Variants in MS4A2 observed in about 807,000 individuals in gnomAD.
MS4A2 encodes the protein high affinity immunoglobulin epsilon receptor subunit beta.
MS4A2 carries 26 observed loss-of-function variants against 27.9 expected under a neutral mutation model. The observed-to-expected ratio is 0.93, with a 90% CI of 0.68 to 1.29. The LOEUF (loss-of-function observed/expected upper bound fraction) is 1.29. Among genes scored for constraint, MS4A2 ranks in the 50% most tolerant of loss-of-function variants. MS4A2 has a pLI of 0.00. For synonymous variants in MS4A2, 110 were observed against 98.8 expected (o/e 1.11, Z -0.67); for missense variants, 284 against 284.6 (o/e 1.00, Z 0.01).
rs1035557284 is a variant in MS4A2 at position 60,096,053 on chromosome 11, G to C, written c.*397G>C. On this transcript the variant is annotated 3_prime_UTR_variant, in exon 7 of 7. Transcript: ENST00000278888. ...TTTTTTTTTTTTAGCATTCTTAATA[G>C]TTACAGTTGGGCATGATTTGTACCA... The C allele has an allele frequency of 1.2e-5, 3 of 253,288 alleles. No individual in the cohort carries two copies. The highest frequency in any genetic ancestry group is 7.1e-5 in the African/African-American group (3 of 42,464). The allele number at this position is 253,288 out of a possible 1,614,324, so 15.7% of individuals were successfully genotyped here.
At chr11:60,090,681 C>T (rs916994657) in intron 3 of MS4A2, among the ~76,000 whole-genome samples, 1 of 152,140 alleles carries the variant, frequency 6.6e-6, no homozygotes, top group African/African-American at 2.4e-5. Flanking sequence ...ATTTAGCCCA[C>T]AGTTTTATCC....
chr11:60,090,717 G>C (rs1337454463), intron 3 of MS4A2, among the ~76,000 whole-genome samples: 1 of 152,168 alleles, frequency 6.6e-6, no homozygotes. Context: ...TCTAATACAA[G>C]TTAAATGACT....
chr11:60,090,357 A>G lies in MS4A2; in HGVS notation c.208A>G (p.Met70Val). The change falls in exon 3 of 7, where the codon ATG becomes GTG. Residue 70 changes from methionine to valine, a missense_variant. By Grantham distance (21) the Met-to-Val change is conservative. Coordinates refer to ENST00000278888, the MANE Select transcript of MS4A2 (RefSeq NM_000139.5). ...ATAGGTAACACAAATTCTGACTGCTATGATATGCCTTTGTTTTGGAACAGT... is the reference window on the plus strand; with the variant it reads ...ATAGGTAACACAAATTCTGACTGCTGTGATATGCCTTTGTTTTGGAACAGT... Reference protein sequence around the residue: ...FLGVTQILTAMICLCFGTVVC... With the variant: ...FLGVTQILTAVICLCFGTVVC... 6.2e-7 allele frequency: 1 copy of G among 1,613,234 alleles called. No individual in the cohort carries two copies. Among genetic ancestry groups the G allele is most frequent in the Non-Finnish European group, 8.5e-7 (1 of 1,179,890 alleles).
Position 60,097,846 on chromosome 11 carries a change from T to A in MS4A2, c.*2190T>A, listed in dbSNP as rs1855896646. ...GGGCCTGAGGTTTTCCATTCTCATTTTTCTAAAATACAATTTTGTTTCTCC... is the reference window on the plus strand; with the variant it reads ...GGGCCTGAGGTTTTCCATTCTCATTATTCTAAAATACAATTTTGTTTCTCC... On this transcript the variant is annotated 3_prime_UTR_variant, in exon 7 of 7. Transcript: ENST00000278888. 1 of 152,210 alleles carries A rather than the reference T, an allele frequency of 6.6e-6. No individual in the cohort carries two copies. The highest frequency in any genetic ancestry group is 1.5e-5 in the Non-Finnish European group (1 of 68,032). The allele number at this position is 152,210 out of a possible 1,614,324, so 9.4% of individuals were successfully genotyped here. A position where few individuals can be genotyped will look rare whatever the true frequency, so the allele number is the denominator to read the frequency against.
rs1855723703 is a variant in MS4A2 at position 60,089,781 on chromosome 11, C to T, written c.146C>T (p.Thr49Ile). 6.2e-7 allele frequency: 1 copy of T among 1,614,054 alleles called. No homozygotes were observed. The highest frequency in any genetic ancestry group is 1.7e-5 in the Admixed American group (1 of 60,006). ...LKSASSPPLHTWLTVLKKEQE... is the reference protein window; with the variant it reads ...LKSASSPPLHIWLTVLKKEQE... Reference sequence around the variant, plus strand: ...TCGGCCTCATCCCCACCACTGCATACATGGCTGACAGTTTTGAAAAAAGAG... The same window carrying T: ...TCGGCCTCATCCCCACCACTGCATATATGGCTGACAGTTTTGAAAAAAGAG... Residue 49 changes from threonine to isoleucine, a missense_variant, in exon 2 of 7, where the codon ACA (threonine) becomes ATA (isoleucine). Coordinates refer to ENST00000278888, the MANE Select transcript of MS4A2 (RefSeq NM_000139.5).
intron 3 of MS4A2, 105 bp from the exon 4 acceptor site, chr11:60,092,681 GTAACTT>G: frequency 1.1e-6 from 1 of 893,194 alleles, no homozygotes. Flanking sequence ...ACATTAATAA[GTAACTT>G]TATCGAGTAC....
In MS4A2 at chr11:60,089,798, A is replaced by G; in HGVS notation, c.163A>G (p.Lys55Glu). The part of the protein sequence containing the change: ...PPLHTWLTVL[K>E]KEQEFLGVTQ... ...ACTGCATACATGGCTGACAGTTTTGAAAAAAGAGCAGGAGTTCCTGGGGGT... is the reference window on the plus strand; with the variant it reads ...ACTGCATACATGGCTGACAGTTTTGGAAAAAGAGCAGGAGTTCCTGGGGGT... Residue 55 changes from lysine (K) to glutamate (E), a missense_variant, in exon 2 of 7, where the codon AAA (lysine) becomes GAA (glutamate). Transcript: ENST00000278888. 6.2e-7 allele frequency: 1 copy of G among 1,614,130 alleles called. No homozygotes were observed. Among genetic ancestry groups the G allele is most frequent in the South Asian group, 1.1e-5 (1 of 91,084 alleles).
chr11:60,093,530 C>A lies in MS4A2; in HGVS notation c.509C>A (p.Thr170Asn). The stretch of plus-strand genomic sequence containing the variant: ...CACAGTTGCCAGAAATTTTTTGAGA[C>A]CAAGTGCTTTATGGCTTCCTTTTCC... ...HIHSCQKFFE[T>N]KCFMASFSTE... Residue 170 changes from threonine (T) to asparagine (N), a missense_variant, in exon 5 of 7, where the codon ACC (threonine) becomes AAC (asparagine). By Grantham distance (65) the Thr-to-Asn change is moderately conservative. Coordinates refer to ENST00000278888, the MANE Select transcript of MS4A2 (RefSeq NM_000139.5). The A allele has an allele frequency of 6.2e-7, 1 of 1,614,140 alleles. No homozygotes were observed. Among genetic ancestry groups the A allele is most frequent in the Non-Finnish European group, 8.5e-7 (1 of 1,180,032 alleles).
chr11:60,089,584 C>T lies in MS4A2; in HGVS notation c.57-108C>T, dbSNP rs1247930493. 4 of 1,428,176 alleles carry T rather than the reference C, an allele frequency of 2.8e-6. No individual in the cohort carries two copies. In the East Asian group the frequency reaches 6.9e-5, roughly 25 times the overall value. 88.5% of individuals were successfully genotyped at this position (1,428,176 alleles called of 1,614,324 possible). On this transcript the variant is annotated intron_variant, in intron 1 of 6. Coordinates refer to ENST00000278888, the MANE Select transcript of MS4A2 (RefSeq NM_000139.5). ...GTGATTACAATGAAGATTTGAATTA[C>T]AGGATGGCTTTGAAAAAATAAACAA... is the stretch of plus-strand genomic sequence containing the variant.
At chr11:60,094,146 T>A in intron 6 of MS4A2, 84 bp downstream of exon 6, 1 of 898,432 alleles carries the variant, frequency 1.1e-6, no homozygotes, top group South Asian at 1.4e-5. Context: ...CTGGGTTTTC[T>A]GAAACATTTC....
Position 60,090,341 on chromosome 11 carries a change from A to G in MS4A2, c.192A>G (p.Thr64=). Residue 64 remains threonine (T), a synonymous_variant, in exon 3 of 7, where the codon ACA becomes ACG. Transcript: ENST00000278888. ...ATTCATGTGTTTTTCTATAGGTAAC[A>G]CAAATTCTGACTGCTATGATATGCC... ...LKKEQEFLGV[T]QILTAMICLC... 1 of 1,612,882 alleles carries G rather than the reference A, an allele frequency of 6.2e-7. No individual in the cohort carries two copies. The highest frequency in any genetic ancestry group is 1.7e-4 in the Middle Eastern group (1 of 6,054).
intron 3 of MS4A2, among the ~76,000 whole-genome samples, chr11:60,092,547 C>T (rs500886): frequency 0.053 from 8,008 of 152,154 alleles, 377 homozygotes; most frequent in East Asian, 0.17. Context: ...TCCCCCGCCT[C>T]GGCTTCCCAA....
At chr11:60,094,724 G>A (rs564125978) in intron 6 of MS4A2, among the ~76,000 whole-genome samples, 2 of 152,328 alleles carry the variant, frequency 1.3e-5, no homozygotes, top group South Asian at 2.1e-4. Flanking sequence ...TGAGGAGGGC[G>A]GATCACTTGA....
At position 60,093,491 on chromosome 11, in the gene MS4A2, C is replaced by G; in HGVS notation, c.470C>G (p.Ala157Gly). ...ATCATCAACCTGAAGAAGAGCTTGGCCTATATCCACATCCACAGTTGCCAG... is the reference window on the plus strand; with the variant it reads ...ATCATCAACCTGAAGAAGAGCTTGGGCTATATCCACATCCACAGTTGCCAG... ...ILIINLKKSLAYIHIHSCQKF... is the reference protein window; with the variant it reads ...ILIINLKKSLGYIHIHSCQKF... Residue 157 changes from alanine (A) to glycine (G), a missense_variant, in exon 5 of 7, where the codon GCC becomes GGC. Physicochemically the swap from Ala to Gly is moderately conservative, Grantham distance 60 (BLOSUM62 0). Transcript: ENST00000278888. The G allele has an allele frequency of 6.2e-7, 1 of 1,614,160 alleles. No homozygotes were observed. The highest frequency in any genetic ancestry group is 1.1e-5 in the South Asian group (1 of 91,078).
At chr11:60,089,033 A>G (rs1855707553) in intron 1 of MS4A2, among the ~76,000 whole-genome samples, 1 of 152,160 alleles carries the variant, frequency 6.6e-6, no homozygotes, top group African/African-American at 2.4e-5. Flanking sequence ...GCAAACTGGA[A>G]ATAGATTTTC....
chr11:60,092,535 A>AT (rs1190984530), intron 3 of MS4A2, among the ~76,000 whole-genome samples: 1 of 152,104 alleles, frequency 6.6e-6, no homozygotes, highest in African/African-American at 2.4e-5. Flanking sequence ...ACCTCCGGTG[A>AT]TTCCCCCGCC....
rs1855874183 is a variant in MS4A2 at position 60,096,692 on chromosome 11, G to C, written c.*1036G>C. 6.6e-6 allele frequency: 1 copy of C among 152,014 alleles called. No homozygotes were observed. The highest frequency in any genetic ancestry group is 1.9e-4 in the East Asian group (1 of 5,158). 9.4% of individuals were successfully genotyped at this position (152,014 alleles called of 1,614,324 possible). A position where few individuals can be genotyped will look rare whatever the true frequency, so the allele number is the denominator to read the frequency against. On this transcript the variant is annotated 3_prime_UTR_variant, in exon 7 of 7. Coordinates refer to ENST00000278888, the MANE Select transcript of MS4A2 (RefSeq NM_000139.5). ...AAGTCAGTAGTTTGAGACCAGCCTG[G>C]CCAACATAGTGAAACCCCGTCTCTA...
intron 6 of MS4A2, 64 bp downstream of exon 6, chr11:60,094,126 A>C (rs1855824665): frequency 9.1e-7 from 1 of 1,095,606 alleles, no homozygotes; most frequent in African/African-American, 1.6e-5. Context: ...TTATTCCTTA[A>C]AAATATGGCC....
chr11:60,088,558 T>G, upstream of MS4A2: 1 of 1,359,816 alleles, frequency 7.4e-7, no homozygotes, highest in Non-Finnish European at 9.6e-7. Flanking sequence ...GACTTCTTAA[T>G]TTTTCTATTC....
Sources: allele counts gnomAD v4.1 joint callset (sites outside exome capture counted in the v4.1 genomes callset), GRCh38; gene constraint gnomAD v4.1.1; transcripts MANE v1.5; gene names NCBI Gene and HGNC (gene_info 2026-07-23, HGNC 2026-07-21).